The following PGM5 variants were observed in gnomAD, a reference collection of about 807,000 sequenced individuals.
The protein encoded by PGM5 is phosphoglucomutase-like protein 5.
Under a neutral mutation model 59.2 loss-of-function variants are expected in PGM5, and 23 were observed. That is an observed-to-expected ratio of 0.39 (90% confidence interval 0.28 to 0.55). The LOEUF (loss-of-function observed/expected upper bound fraction) is 0.55. Among genes scored for constraint, PGM5 ranks in the 20% least tolerant of loss-of-function variants. The pLI, the probability that PGM5 is intolerant of heterozygous loss-of-function variation, is 0.66. For synonymous variants in PGM5, 214 were observed against 286.0 expected, an observed-to-expected ratio of 0.75 and a Z score of 2.54; for missense variants, 574 against 748.3, an observed-to-expected ratio of 0.77 and a Z score of 2.72.
At chr9:68,516,427 T>C (rs1824825611) in intron 10 of PGM5, among the ~76,000 whole-genome samples, 1 of 152,230 alleles carries the variant, frequency 6.6e-6, no homozygotes, top group Admixed American at 6.5e-5. Flanking sequence ...CTTAGAAGGC[T>C]GTACCCTCTG....
rs143517343 is a variant in PGM5, at chr9:68,473,684, G to C, written c.1160-5734G>C. On this transcript the variant is annotated intron_variant, in intron 7 of 10. Coordinates refer to ENST00000396396, the MANE Select transcript of PGM5 (RefSeq NM_021965.4). ...AATCAGGAACCTCTTTGAGTGAGTG[G>C]CCTCTCTTATTGTATGACCAACAAT... Among the ~76,000 whole-genome samples the C allele has an allele frequency of 1.3e-3, 192 of 152,220 alleles. 1 individual carries two copies. Among genetic ancestry groups the C allele is most frequent in the African/African-American group, 4.5e-3 (187 of 41,528 alleles).
intron 6 of PGM5, among the ~76,000 whole-genome samples, chr9:68,399,709 A>G (rs1335069298): frequency 4.6e-5 from 7 of 151,982 alleles, no homozygotes; most frequent in Non-Finnish European, 1.0e-4. Context: ...TGATCTAGAT[A>G]CCAGACCCGT....
At chr9:68,471,153 A>T (rs1824013829) in intron 7 of PGM5, among the ~76,000 whole-genome samples, 1 of 152,210 alleles carries the variant, frequency 6.6e-6, no homozygotes, top group Non-Finnish European at 1.5e-5. Flanking sequence ...GCAAAAACAA[A>T]GGAATGGGGC....
Position 68,483,939 on chromosome 9 carries a change from A to G in PGM5, c.1370A>G (p.Lys457Arg). 3 of 1,614,150 alleles carry G rather than the reference A, an allele frequency of 1.9e-6. No individual in the cohort carries two copies. The highest frequency in any genetic ancestry group is 2.5e-6 in the Non-Finnish European group (3 of 1,180,004). The stretch of plus-strand genomic sequence containing the variant: ...GACCTGGAGGCCCTGGTCACAGACA[A>G]ATCCTTCATTGGCCAGCAGTTTGCT... ...MRDLEALVTD[K>R]SFIGQQFAVG... is the part of the protein sequence containing the mutation. The change falls in exon 9 of 11, where the codon AAA (lysine) becomes AGA (arginine). Residue 457 changes from lysine to arginine, a missense_variant. Coordinates refer to ENST00000396396, the MANE Select transcript of PGM5 (RefSeq NM_021965.4).
intron 6 of PGM5, among the ~76,000 whole-genome samples, chr9:68,407,145 G>T (rs1554681205): frequency 6.6e-6 from 1 of 151,770 alleles, no homozygotes; most frequent in Non-Finnish European, 1.5e-5. Context: ...ACGTTTTTTT[G>T]GGGTGGGGAA....
At chr9:68,368,170 GTC>G (rs1554676855) in intron 1 of PGM5, among the ~76,000 whole-genome samples, 1 of 149,550 alleles carries the variant, frequency 6.7e-6, no homozygotes, top group African/African-American at 2.4e-5. Flanking sequence ...CTAGAACAGA[GTC>G]CAAAATGTCA....
intron 6 of PGM5, among the ~76,000 whole-genome samples, chr9:68,441,141 G>T (rs1346587131): frequency 6.6e-6 from 1 of 151,866 alleles, no homozygotes; most frequent in Non-Finnish European, 1.5e-5. Flanking sequence ...GACTATTAAA[G>T]AAATTGACTT....
intron 6 of PGM5, among the ~76,000 whole-genome samples, chr9:68,432,085 A>T (rs1012656177): frequency 6.6e-6 from 1 of 152,152 alleles, no homozygotes; most frequent in Non-Finnish European, 1.5e-5. Context: ...TTTTAAAAAA[A>T]TCCCTCTTCC....
At position 68,529,520 on chromosome 9, in the gene PGM5, A is replaced by T. The variant is rs375452081; in HGVS notation, c.1615-47A>T. On this transcript the variant is annotated intron_variant, in intron 10 of 10. Coordinates refer to ENST00000396396, the MANE Select transcript of PGM5 (RefSeq NM_021965.4). ...TAGAAATCCATCAGAATGCCCCAAAATGTAACTGACTTGAGTTGTTCACAG... is the reference window on the plus strand; with the variant it reads ...TAGAAATCCATCAGAATGCCCCAAATTGTAACTGACTTGAGTTGTTCACAG... The T allele has an allele frequency of 1.3e-5, 18 of 1,369,592 alleles. No individual in the cohort carries two copies. In the African/African-American group the frequency reaches 2.4e-4, roughly 19 times the overall value. The allele number at this position is 1,369,592 out of a possible 1,614,324, so 84.8% of individuals were successfully genotyped here.
At chr9:68,510,011 G>T (rs1476227977) in intron 10 of PGM5, among the ~76,000 whole-genome samples, 1 of 152,128 alleles carries the variant, frequency 6.6e-6, no homozygotes, top group Non-Finnish European at 1.5e-5. Context: ...TTAACAGCCA[G>T]AGGAAAAGAT....
chr9:68,413,947 T>C (rs1312309967), intron 6 of PGM5, among the ~76,000 whole-genome samples: 2 of 152,210 alleles, frequency 1.3e-5, no homozygotes, highest in African/African-American at 2.4e-5. Flanking sequence ...ATTCCCAGTA[T>C]TGAAGGTGGG....
At chr9:68,426,355 A>G (rs112798523) in intron 6 of PGM5, among the ~76,000 whole-genome samples, 68 of 152,116 alleles carry the variant, frequency 4.5e-4, no homozygotes, top group African/African-American at 1.6e-3. Context: ...GACTCTTATA[A>G]CCTTCAGATT....
chr9:68,434,655 G>A (rs2132058692), intron 6 of PGM5, among the ~76,000 whole-genome samples: 1 of 152,128 alleles, frequency 6.6e-6, no homozygotes, highest in South Asian at 2.1e-4. Flanking sequence ...AAAACACAAA[G>A]TTTGGCTGGG....
intron 6 of PGM5, among the ~76,000 whole-genome samples, chr9:68,420,514 G>A (rs951845841): frequency 2.4e-4 from 36 of 152,248 alleles, no homozygotes; most frequent in Middle Eastern, 3.4e-3. Flanking sequence ...GTGGAAATAC[G>A]GAGGCACATG....
intron 9 of PGM5, among the ~76,000 whole-genome samples, chr9:68,492,663 G>A (rs1027730196): frequency 2.6e-5 from 4 of 152,260 alleles, no homozygotes; most frequent in South Asian, 2.1e-4. Context: ...TGGGGGTAGA[G>A]GGGGGCACCT....
At position 68,474,877 on chromosome 9, in the gene PGM5, C is replaced by A. The variant is rs369878835; in HGVS notation, c.1160-4541C>A. On this transcript the variant is annotated intron_variant, in intron 7 of 10. Transcript: ENST00000396396. ...CAAGCCATAAAAAGACATGAAGGAA[C>A]CATAAATGCATATTATTAAGCAAAA... is the stretch of plus-strand genomic sequence containing the variant. Among the ~76,000 whole-genome samples, 4 of 149,834 alleles carry A rather than the reference C, an allele frequency of 2.7e-5. No individual in the cohort carries two copies. The South Asian group carries it at 6.5e-4, about 24-fold the overall frequency.
In PGM5 at chr9:68,356,627, A is replaced by T. The variant is rs1422835766; in HGVS notation, c.-501A>T. ...GTAGGCTGCGCACTCCCAGGGAGAC[A>T]GGGAGACGGGCCGGGCGCCGGAGAG... On this transcript the variant is annotated 5_prime_UTR_variant, in exon 1 of 11. Coordinates refer to ENST00000396396, the MANE Select transcript of PGM5 (RefSeq NM_021965.4). Among the ~76,000 whole-genome samples, 2 of 152,306 alleles carry T rather than the reference A, an allele frequency of 1.3e-5. No individual in the cohort carries two copies. Among genetic ancestry groups the T allele is most frequent in the African/African-American group, 2.4e-5 (1 of 41,484 alleles).
chr9:68,370,337 A>G (rs1451184465), intron 1 of PGM5, among the ~76,000 whole-genome samples: 11 of 152,322 alleles, frequency 7.2e-5, no homozygotes, highest in Middle Eastern at 3.4e-3. Flanking sequence ...AGTCTGATTT[A>G]AGACATTTCA....
At chr9:68,496,409 C>CT (rs1237730201) in intron 9 of PGM5, among the ~76,000 whole-genome samples, 3 of 152,232 alleles carry the variant, frequency 2.0e-5, no homozygotes, top group African/African-American at 7.2e-5. Context: ...TAAAGAAACC[C>CT]TTACATTCCA....
Sources: gnomAD v4.1 joint callset for allele counts (sites outside exome capture counted in the v4.1 genomes callset) on GRCh38, gnomAD v4.1.1 for gene constraint, MANE v1.5 for transcripts, NCBI Gene and HGNC (gene_info 2026-07-23, HGNC 2026-07-21) for gene names.